The following WDPCP variants were observed in gnomAD, a reference collection of about 807,000 sequenced individuals.
WDPCP encodes the protein WD repeat-containing and planar cell polarity effector protein fritz homolog.
In WDPCP, 71 loss-of-function variants were observed where a neutral mutation model predicts 93.1. The observed-to-expected ratio is 0.76, with a 90% confidence interval of 0.63 to 0.93. WDPCP has a LOEUF of 0.93. WDPCP is among the 40% of genes least tolerant of loss of function. The probability of loss-of-function intolerance (pLI) is 0.00; values close to 1 mark genes in which losing one functional copy is unlikely to be tolerated. For missense variants in WDPCP, 844 were observed against 887.4 expected (o/e 0.95, Z 0.62); for synonymous variants, 315 against 315.0 (o/e 1.00, Z 0.00).
intron 12 of WDPCP, among the ~76,000 whole-genome samples, chr2:63,343,478 T>G (rs932114317): frequency 1.3e-5 from 2 of 152,222 alleles, no homozygotes; most frequent in African/African-American, 4.8e-5. Context: ...CTGTTAAAGA[T>G]TCTCTCTTTG....
At chr2:63,140,554 AT>A (rs57591269) in intron 17 of WDPCP, among the ~76,000 whole-genome samples, 40,063 of 145,874 alleles carry the variant, frequency 0.27, 6,322 homozygotes, top group East Asian at 0.51. Flanking sequence ...ATTCCTAAGT[AT>A]TTTTTTTTTT....
intron 12 of WDPCP, among the ~76,000 whole-genome samples, chr2:63,324,701 T>C (rs1440031722): frequency 6.6e-6 from 1 of 152,162 alleles, no homozygotes; most frequent in African/African-American, 2.4e-5. Context: ...AATGATAAAA[T>C]GACAGCCAAA....
chr2:63,151,155 G>T lies in WDPCP; in HGVS notation c.2190+1759C>A, dbSNP rs141981838. Among the ~76,000 whole-genome samples the T allele has an allele frequency of 2.1e-4, 32 of 152,304 alleles. No homozygotes were observed. In the East Asian group the frequency reaches 4.4e-3, roughly 21 times the overall value. ...TCCTTGGGAAGTCAGTTTCTTGATT[G>T]AATTTCATGTACACTTGTTTATCCA... is the stretch of plus-strand genomic sequence containing the variant. On this transcript the variant is annotated intron_variant, in intron 17 of 17. Coordinates refer to ENST00000272321, the MANE Select transcript of WDPCP (RefSeq NM_015910.7).
chr2:63,776,501 A>C (rs182447613), intron 2 of WDPCP, among the ~76,000 whole-genome samples: 1 of 151,842 alleles, frequency 6.6e-6, no homozygotes, highest in Non-Finnish European at 1.5e-5. Flanking sequence ...CAAAAAATAC[A>C]AAAAATTACC....
intron 3 of WDPCP, among the ~76,000 whole-genome samples, chr2:63,646,520 C>T (rs1288919374): frequency 6.6e-6 from 1 of 152,064 alleles, no homozygotes; most frequent in Admixed American, 6.6e-5. Context: ...TGATTACATA[C>T]TGCTTGTTCA....
intron 1 of WDPCP, among the ~76,000 whole-genome samples, chr2:63,504,407 G>A (rs966695428): frequency 3.4e-5 from 5 of 148,598 alleles, no homozygotes; most frequent in Non-Finnish European, 6.0e-5. Flanking sequence ...TATTTTTCTG[G>A]GCAGGGAATA....
chr2:63,480,157 T>A (rs958040713), intron 6 of WDPCP, among the ~76,000 whole-genome samples: 13 of 151,616 alleles, frequency 8.6e-5, no homozygotes, highest in Non-Finnish European at 1.5e-4. Context: ...AGAAAAAAAA[T>A]ATTTAGATAT....
At chr2:63,691,257 TACA>T (rs1668883690) in intron 2 of WDPCP, among the ~76,000 whole-genome samples, 2 of 152,178 alleles carry the variant, frequency 1.3e-5, no homozygotes, top group Non-Finnish European at 2.9e-5. Flanking sequence ...TTGGATAGGA[TACA>T]AGGATAGAAA....
At chr2:63,246,308 C>T (rs12713474) in intron 14 of WDPCP, among the ~76,000 whole-genome samples, 132,573 of 152,142 alleles carry the variant, frequency 0.87, 57,966 homozygotes, top group South Asian at 0.92. Flanking sequence ...AAACATTTTA[C>T]ACCAGTGGTT....
At chr2:63,579,782 CAG>C (rs1342394288) in intron 1 of WDPCP, among the ~76,000 whole-genome samples, 1 of 152,086 alleles carries the variant, frequency 6.6e-6, no homozygotes, top group East Asian at 1.9e-4. Context: ...GACAGACAGA[CAG>C]ACAGACAAGA....
intron 2 of WDPCP, among the ~76,000 whole-genome samples, chr2:63,715,673 A>T (rs542653908): frequency 6.6e-6 from 1 of 152,258 alleles, no homozygotes; most frequent in African/African-American, 2.4e-5. Flanking sequence ...TATGAAAAGA[A>T]TCTTGCAATT....
At chr2:63,230,584 C>T (rs1238905517) in intron 14 of WDPCP, among the ~76,000 whole-genome samples, 2 of 152,166 alleles carry the variant, frequency 1.3e-5, no homozygotes, top group Non-Finnish European at 2.9e-5. Context: ...TTCTCCACAT[C>T]CTCTCCAGCA....
intron 17 of WDPCP, among the ~76,000 whole-genome samples, chr2:63,128,794 G>A (rs1288350443): frequency 6.6e-6 from 1 of 152,066 alleles, no homozygotes; most frequent in East Asian, 1.9e-4. Flanking sequence ...TCAACCTCTC[G>A]AGTAGCTGGG....
At chr2:63,545,156 G>A (rs1705047323) in intron 1 of WDPCP, among the ~76,000 whole-genome samples, 1 of 152,084 alleles carries the variant, frequency 6.6e-6, no homozygotes, top group Admixed American at 6.6e-5. Context: ...CCACGGCCAT[G>A]GATTACAGAA....
At position 63,125,464 on chromosome 2, in the gene WDPCP, A is replaced by G. The variant is rs192694785; in HGVS notation, c.2191-3408T>C. On this transcript the variant is annotated intron_variant, in intron 17 of 17. Transcript: ENST00000272321. ...CTAAGACATGTTTAGTTTGTTTTTC[A>G]GTTAAAAATTTAGAGATTGGGTCTT... is the stretch of plus-strand genomic sequence containing the variant. Among the ~76,000 whole-genome samples the G allele has an allele frequency of 1.1e-4, 17 of 152,292 alleles. No individual in the cohort carries two copies. In the East Asian group the frequency reaches 3.3e-3, roughly 29 times the overall value.
chr2:63,804,738 G>A (rs1016965897), intron 2 of WDPCP, among the ~76,000 whole-genome samples: 9 of 151,716 alleles, frequency 5.9e-5, no homozygotes, highest in African/African-American at 7.3e-5. Flanking sequence ...CATATAAAGC[G>A]TCCATGTTGG....
intron 14 of WDPCP, among the ~76,000 whole-genome samples, chr2:63,204,336 CTTTTTTTTT>C (rs397872785): frequency 1.1e-5 from 1 of 92,294 alleles, no homozygotes; most frequent in South Asian, 3.7e-4. Flanking sequence ...GCCCGTTTGC[CTTTTTTTTT>C]TTTTTTTTTT....
chr2:63,720,416 TAAA>T (rs56140939), intron 2 of WDPCP, among the ~76,000 whole-genome samples: 1 of 124,914 alleles, frequency 8.0e-6, no homozygotes, highest in Non-Finnish European at 1.7e-5. Context: ...GACTCTACCT[TAAA>T]AAAAAAAAAA....
At chr2:63,519,057 AC>A (rs58474794) in intron 1 of WDPCP, 96,976 of 133,942 alleles carry the variant, frequency 0.72, 34,395 homozygotes, top group East Asian at 0.97. Flanking sequence ...ACATCCTGCC[AC>A]CCCCCCCCCA....
Sources: allele counts gnomAD v4.1 joint callset (sites outside exome capture counted in the v4.1 genomes callset), GRCh38; gene constraint gnomAD v4.1.1; transcripts MANE v1.5; gene names NCBI Gene and HGNC (gene_info 2026-07-23, HGNC 2026-07-21).